QRSL1: variants seen among roughly 807,000 people sequenced by gnomAD.
QRSL1 encodes glutamyl-tRNA(Gln) amidotransferase subunit A, mitochondrial.
In QRSL1, 54 loss-of-function variants were observed where a neutral mutation model predicts 61.6. That is an observed-to-expected ratio of 0.88 (90% CI 0.70 to 1.10). QRSL1 has a LOEUF of 1.10. Ranked by LOEUF, QRSL1 falls within the 50% of genes least tolerant of loss-of-function variation. The probability of loss-of-function intolerance (pLI) is 0.00; values close to 1 mark genes in which losing one functional copy is unlikely to be tolerated. For missense variants in QRSL1, 505 were observed against 622.6 expected (o/e 0.81, Z 2.01); for synonymous variants, 228 against 225.7 (o/e 1.01, Z -0.09).
At chr6:106,631,139 TG>T (rs1776820701) in intron 1 of QRSL1, among the ~76,000 whole-genome samples, 1 of 152,008 alleles carries the variant, frequency 6.6e-6, no homozygotes, top group Admixed American at 6.5e-5. Flanking sequence ...GGCAGGAGAA[TG>T]GCGTGAACCC....
chr6:106,652,464 C>CA lies in QRSL1; in HGVS notation c.734-2dup, dbSNP rs1406369956. The CA allele has an allele frequency of 1.9e-6, 3 of 1,613,390 alleles. No individual in the cohort carries two copies. In the African/African-American group the frequency reaches 4.0e-5, roughly 22 times the overall value. On this transcript the variant is annotated splice_region_variant and splice_polypyrimidine_tract_variant and intron_variant, in intron 6 of 10. Coordinates refer to ENST00000369046, the MANE Select transcript of QRSL1 (RefSeq NM_018292.5). ...TGTCATTCATAAGTATTGCTCCTTACAGGTGCACTGGCCGGACCTGACCCC... is the reference window on the plus strand; with the variant it reads ...TGTCATTCATAAGTATTGCTCCTTACAAGGTGCACTGGCCGGACCTGACCCC...
At chr6:106,646,996 C>G (rs1354934236) in intron 4 of QRSL1, among the ~76,000 whole-genome samples, 1 of 141,502 alleles carries the variant, frequency 7.1e-6, no homozygotes, top group African/African-American at 2.7e-5. Context: ...CCACTGCACT[C>G]CAGCCTGGGT....
In QRSL1 at chr6:106,655,721, C is replaced by T; in HGVS notation, c.1149C>T (p.Phe383=). 1 of 1,605,100 alleles carries T rather than the reference C, an allele frequency of 6.2e-7. No individual in the cohort carries two copies. Among genetic ancestry groups the T allele is most frequent in the Non-Finnish European group, 8.5e-7 (1 of 1,172,518 alleles). ...GAAGAATTCTCTCAGGAAACTTTTT[C>T]TTATTAAAAGAGTAAGACAACTCAT... ...VRGRILSGNF[F]LLKENYENYF... Residue 383 remains phenylalanine (F), a synonymous_variant, in exon 9 of 11, where the codon TTC becomes TTT. Transcript: ENST00000369046.
At chr6:106,646,963 G>C (rs1390025498) in intron 4 of QRSL1, among the ~76,000 whole-genome samples, 5 of 146,618 alleles carry the variant, frequency 3.4e-5, no homozygotes, top group South Asian at 2.1e-4. Flanking sequence ...GGGAGGCAGA[G>C]GTTGCAGTGA....
chr6:106,658,853 A>T (rs1242185378), intron 9 of QRSL1, among the ~76,000 whole-genome samples: 3 of 152,070 alleles, frequency 2.0e-5, no homozygotes, highest in South Asian at 4.1e-4. Flanking sequence ...CATTTTGGCT[A>T]TTATTTCCTC....
At position 106,640,447 on chromosome 6, in the gene QRSL1, T is replaced by G; in HGVS notation, c.123T>G (p.Ile41Met). ...AGACCAAGTTTCTAAATGCCTACAT[T>G]ACTGTGTCAGAAGAGGTGGCCTTAA... is the stretch of plus-strand genomic sequence containing the variant. The part of the protein sequence containing the change: ...IKKTKFLNAY[I>M]TVSEEVALKQ... The change falls in exon 2 of 11, where the codon ATT (isoleucine) becomes ATG (methionine). Residue 41 changes from isoleucine to methionine, a missense_variant. Coordinates refer to ENST00000369046, the MANE Select transcript of QRSL1 (RefSeq NM_018292.5). 1 of 1,608,320 alleles carries G rather than the reference T, an allele frequency of 6.2e-7. No individual in the cohort carries two copies. The highest frequency in any genetic ancestry group is 8.5e-7 in the Non-Finnish European group (1 of 1,178,036).
At chr6:106,655,845 G>A in intron 9 of QRSL1, 113 bp downstream of exon 9, 1 of 705,374 alleles carries the variant, frequency 1.4e-6, no homozygotes, top group Non-Finnish European at 2.4e-6. Context: ...TTTATGATTT[G>A]AATTAGAAAA....
intron 5 of QRSL1, among the ~76,000 whole-genome samples, chr6:106,651,809 T>G (rs1777190899): frequency 6.6e-6 from 1 of 152,174 alleles, no homozygotes; most frequent in African/African-American, 2.4e-5. Context: ...ATATGTATAT[T>G]GAAAGGAGAA....
At chr6:106,648,985 G>A in intron 4 of QRSL1, 40 bp from the exon 5 acceptor site, 1 of 1,555,720 alleles carries the variant, frequency 6.4e-7, no homozygotes, top group Non-Finnish European at 8.7e-7. Context: ...CACATAAAAT[G>A]AAAGTTTTAC....
intron 9 of QRSL1, among the ~76,000 whole-genome samples, 186 bp from the exon 10 acceptor site, chr6:106,662,794 C>G (rs543662146): frequency 1.3e-5 from 2 of 152,304 alleles, no homozygotes; most frequent in East Asian, 3.9e-4. Flanking sequence ...AAACACTCCT[C>G]TCTCATATAC....
At position 106,663,021 on chromosome 6, in the gene QRSL1, G is replaced by A. The variant is rs1028223547; in HGVS notation, c.1202G>A (p.Arg401His). The A allele has an allele frequency of 3.7e-6, 6 of 1,612,554 alleles. No homozygotes were observed. Among genetic ancestry groups the A allele is most frequent in the East Asian group, 2.2e-5 (1 of 44,894 alleles). Residue 401 changes from arginine to histidine, a missense_variant, in exon 10 of 11, where the codon CGC becomes CAC. Transcript: ENST00000369046. ...NYFVKAQKVR[R>H]LIANDFVNAF... ...TTTGTCAAAGCACAGAAAGTGAGAC[G>A]CCTCATTGCTAATGACTTTGTAAAT...
intron 1 of QRSL1, among the ~76,000 whole-genome samples, chr6:106,636,318 C>CT (rs869032477): frequency 0.051 from 6,712 of 131,766 alleles, 517 homozygotes; most frequent in African/African-American, 0.17. Context: ...AGCTCTGCTA[C>CT]TTTTTTTTTT....
intron 4 of QRSL1, 141 bp from the exon 5 acceptor site, chr6:106,648,884 G>A (rs540640256): frequency 2.7e-6 from 2 of 734,748 alleles, no homozygotes; most frequent in South Asian, 2.8e-5. Context: ...ATCTGAACAG[G>A]CTTCCCACCT....
In QRSL1 at chr6:106,666,272, A is replaced by G; in HGVS notation, c.*270A>G. ...GGTTGCAGTGAGCCGAGATCATGCC[A>G]CTGCACTGCACTCCAGCCTGGGTGA... is the stretch of plus-strand genomic sequence containing the variant. On this transcript the variant is annotated 3_prime_UTR_variant, in exon 11 of 11. Transcript: ENST00000369046. 1 of 407,520 alleles carries G rather than the reference A, an allele frequency of 2.5e-6. No homozygotes were observed. The highest frequency in any genetic ancestry group is 2.4e-5 in the South Asian group (1 of 42,386). The allele number at this position is 407,520 out of a possible 1,614,324, so 25.2% of individuals were successfully genotyped here.
intron 7 of QRSL1, chr6:106,653,593 C>G (rs1777218511): frequency 6.6e-6 from 1 of 152,166 alleles, no homozygotes; most frequent in South Asian, 2.1e-4. Flanking sequence ...GAAGCCAAGG[C>G]AGGAGGATCG....
chr6:106,629,699 C>G lies in QRSL1; in HGVS notation c.18C>G (p.Leu6=). ...CGAGGACCATGCTGGGCCGGAGCCT[C>G]CGAGAAGTGAGTGGAATTGGCCCGC... The part of the protein sequence containing the change: MLGRS[L]REVSAALKQG... The change falls in exon 1 of 11, where the codon CTC becomes CTG. Residue 6 remains leucine (L), a synonymous_variant. Transcript: ENST00000369046. 2 of 1,606,454 alleles carry G rather than the reference C, an allele frequency of 1.2e-6. No homozygotes were observed. Among genetic ancestry groups the G allele is most frequent in the South Asian group, 1.1e-5 (1 of 89,102 alleles).
intron 1 of QRSL1, among the ~76,000 whole-genome samples, chr6:106,638,748 G>A (rs1032203101): frequency 2.0e-5 from 3 of 152,102 alleles, no homozygotes; most frequent in African/African-American, 4.8e-5. Flanking sequence ...TCCTCTTGTC[G>A]GTGAGCATTA....
chr6:106,652,875 C>A, intron 7 of QRSL1: 1 of 926,314 alleles, frequency 1.1e-6, no homozygotes, highest in Non-Finnish European at 1.6e-6. Flanking sequence ...GTGGACCATG[C>A]AGTCTTTATC....
At chr6:106,648,954 A>AT in intron 4 of QRSL1, 71 bp from the exon 5 acceptor site, 1 of 1,479,758 alleles carries the variant, frequency 6.8e-7, no homozygotes. Flanking sequence ...AGCAAATAAT[A>AT]TACTCAGAAG....
Sources: allele counts gnomAD v4.1 joint callset (sites outside exome capture counted in the v4.1 genomes callset), GRCh38; gene constraint gnomAD v4.1.1; transcripts MANE v1.5; gene names NCBI Gene and HGNC (gene_info 2026-07-23, HGNC 2026-07-21).